PTPRD: variants seen among roughly 807,000 people sequenced by gnomAD.
PTPRD encodes the protein receptor-type tyrosine-protein phosphatase delta.
In PTPRD, 34 loss-of-function variants were observed where a neutral mutation model predicts 214.5. The observed-to-expected ratio is 0.16, with a 90% CI of 0.12 to 0.21. The LOEUF is 0.21. PTPRD is among the 10% of genes least tolerant of loss of function. The pLI is 1.00. For synonymous variants in PTPRD, 1,128 were observed against 845.7 expected (o/e 1.33, Z -5.79); for missense variants, 2,545 against 2,398.7 (o/e 1.06, Z -1.27).
At chr9:10,237,622 A>G (rs2099633324) in intron 3 of PTPRD, among the ~76,000 whole-genome samples, 2 of 152,114 alleles carry the variant, frequency 1.3e-5, no homozygotes, top group South Asian at 4.1e-4. Flanking sequence ...TAAGTACTAT[A>G]GTGCCTAAGG....
At chr9:9,614,102 A>T (rs939935510) in intron 7 of PTPRD, among the ~76,000 whole-genome samples, 4 of 151,818 alleles carry the variant, frequency 2.6e-5, no homozygotes, top group African/African-American at 9.7e-5. Context: ...AAAAACATGT[A>T]TATACGTATG....
At chr9:9,473,681 T>A (rs2094798359) in intron 8 of PTPRD, among the ~76,000 whole-genome samples, 1 of 152,114 alleles carries the variant, frequency 6.6e-6, no homozygotes, top group African/African-American at 2.4e-5. Context: ...CCAACAGGGG[T>A]GACATACTTC....
chr9:9,769,262 G>A (rs1004624204), intron 5 of PTPRD, among the ~76,000 whole-genome samples: 19 of 147,196 alleles, frequency 1.3e-4, no homozygotes, highest in Admixed American at 1.3e-3. Context: ...CACTGGTGGT[G>A]TCAAGCTTAC....
In PTPRD at chr9:8,729,065, C is replaced by T. The variant is rs149794681; in HGVS notation, c.64+4715G>A. On this transcript the variant is annotated intron_variant, in intron 12 of 45. Transcript: ENST00000381196. ...CACTCTCTTTCTCACCAAGCTCACC[C>T]CCTACCTTCAGCTTTCTGAAGAGGC... Among the ~76,000 whole-genome samples, 75 of 152,286 alleles carry T rather than the reference C, an allele frequency of 4.9e-4. 2 individuals are homozygous for T. The highest frequency in any genetic ancestry group is 1.8e-3 in the African/African-American group (73 of 41,574).
chr9:8,407,182 T>C (rs1304383365), intron 35 of PTPRD, among the ~76,000 whole-genome samples: 1 of 152,146 alleles, frequency 6.6e-6, no homozygotes, highest in African/African-American at 2.4e-5. Flanking sequence ...ACGCTTAGGT[T>C]CAAAGTGTGG....
chr9:8,965,126 C>T (rs11515426), intron 11 of PTPRD, among the ~76,000 whole-genome samples: 19,333 of 151,932 alleles, frequency 0.13, 1,344 homozygotes, highest in South Asian at 0.2. Context: ...GTCTGTAATC[C>T]CAGCACTTTG....
chr9:8,620,623 G>A (rs2095792295), intron 14 of PTPRD, among the ~76,000 whole-genome samples: 1 of 151,944 alleles, frequency 6.6e-6, no homozygotes, highest in African/African-American at 2.4e-5. Context: ...GGGGCAGGGG[G>A]TGGCAGGGAA....
At chr9:10,507,782 T>G (rs760032704) in intron 2 of PTPRD, among the ~76,000 whole-genome samples, 1 of 152,140 alleles carries the variant, frequency 6.6e-6, no homozygotes, top group Non-Finnish European at 1.5e-5. Flanking sequence ...TCCTTATGCC[T>G]TGTGCAAAAA....
intron 8 of PTPRD, among the ~76,000 whole-genome samples, chr9:9,453,247 G>A (rs2092515299): frequency 6.6e-6 from 1 of 151,490 alleles, no homozygotes; most frequent in Non-Finnish European, 1.5e-5. Context: ...ATATCATGTA[G>A]TTACATGCTT....
Position 8,315,583 on chromosome 9 carries a change from G to A in PTPRD, c.*2291C>T. ...ACATTCTTCTCTGGTTCTGATGTAG[G>A]TTAGAGAGTCTCATTCTGAGGTAGC... is the stretch of plus-strand genomic sequence containing the variant. On this transcript the variant is annotated 3_prime_UTR_variant, in exon 46 of 46. Transcript: ENST00000381196. The A allele has an allele frequency of 4.3e-6, 1 of 230,556 alleles. No homozygotes were observed. The highest frequency in any genetic ancestry group is 5.7e-5 in the Admixed American group (1 of 17,666). 14.3% of individuals were successfully genotyped at this position (230,556 alleles called of 1,614,324 possible).
At chr9:10,151,278 T>G (rs1223466435) in intron 3 of PTPRD, among the ~76,000 whole-genome samples, 1 of 138,386 alleles carries the variant, frequency 7.2e-6, no homozygotes, top group Non-Finnish European at 1.6e-5. Context: ...TTTTTTTTTT[T>G]TTGAGACAAG....
chr9:9,824,580 G>T (rs921882857), intron 5 of PTPRD, among the ~76,000 whole-genome samples: 9 of 151,982 alleles, frequency 5.9e-5, no homozygotes, highest in African/African-American at 1.9e-4. Context: ...ATAAATTATG[G>T]TTAGATCACT....
chr9:10,403,930 A>G (rs1028440062), intron 2 of PTPRD, among the ~76,000 whole-genome samples: 17 of 151,716 alleles, frequency 1.1e-4, no homozygotes, highest in African/African-American at 4.1e-4. Flanking sequence ...GATACATGCC[A>G]TTACAACATT....
At chr9:10,072,536 G>A (rs1332352948) in intron 3 of PTPRD, among the ~76,000 whole-genome samples, 1 of 152,082 alleles carries the variant, frequency 6.6e-6, no homozygotes, top group Non-Finnish European at 1.5e-5. Context: ...ACATGAGCGG[G>A]TTGCCACTGC....
At chr9:8,818,672 A>C (rs2096974614) in intron 11 of PTPRD, among the ~76,000 whole-genome samples, 1 of 152,240 alleles carries the variant, frequency 6.6e-6, no homozygotes, top group Non-Finnish European at 1.5e-5. Context: ...TTTGCCTAAG[A>C]ACAGACCAAA....
At chr9:9,815,916 C>T (rs539216327) in intron 5 of PTPRD, among the ~76,000 whole-genome samples, 3 of 152,176 alleles carry the variant, frequency 2.0e-5, no homozygotes, top group African/African-American at 7.2e-5. Context: ...GTGTTCTCAC[C>T]ACACATACAC....
chr9:8,728,188 T>C lies in PTPRD; in HGVS notation c.64+5592A>G, dbSNP rs142799263. On this transcript the variant is annotated intron_variant, in intron 12 of 45. Transcript: ENST00000381196. ...TCGCTTGAACCGAGGAGGCGGAGGT[T>C]GCGATGAGCCAAGATCGTGCCATTG... is the stretch of plus-strand genomic sequence containing the variant. Among the ~76,000 whole-genome samples, 251 of 152,228 alleles carry C rather than the reference T, an allele frequency of 1.6e-3. 2 individuals are homozygous for C. Among genetic ancestry groups the C allele is most frequent in the Middle Eastern group, 0.014 (4 of 294 alleles).
intron 11 of PTPRD, among the ~76,000 whole-genome samples, chr9:8,946,258 G>A (rs1312289202): frequency 2.0e-5 from 3 of 152,016 alleles, no homozygotes; most frequent in African/African-American, 4.8e-5. Context: ...TGTATTCTAT[G>A]AGAAAACTGA....
At chr9:8,404,418 C>T in intron 36 of PTPRD, 119 bp downstream of exon 36, 1 of 1,346,708 alleles carries the variant, frequency 7.4e-7, no homozygotes, top group Non-Finnish European at 9.9e-7. Flanking sequence ...CGTGAGCCAC[C>T]ATGCACAGCC....
Sources: allele counts gnomAD v4.1 joint callset (sites outside exome capture counted in the v4.1 genomes callset), GRCh38; gene constraint gnomAD v4.1.1; transcripts MANE v1.5; gene names NCBI Gene and HGNC (gene_info 2026-07-23, HGNC 2026-07-21).